PAM: variants seen among roughly 807,000 people sequenced by gnomAD.
The protein encoded by PAM is peptidyl-glycine alpha-amidating monooxygenase.
PAM carries 72 observed loss-of-function variants against 122.1 expected under a neutral mutation model. The ratio of observed to expected loss-of-function variants is 0.59; its 90% confidence interval spans 0.49 to 0.72. PAM has a LOEUF of 0.72. Ranked by LOEUF, PAM falls within the 30% of genes least tolerant of loss-of-function variation. The pLI, the probability that PAM is intolerant of heterozygous loss-of-function variation, is 0.00. For synonymous variants in PAM, 389 were observed against 404.4 expected, an observed-to-expected ratio of 0.96 and a Z score of 0.46; for missense variants, 1,106 against 1,183.7, an observed-to-expected ratio of 0.93 and a Z score of 0.96.
chr5:102,839,430 G>A (rs754084827), intron 1 of PAM, among the ~76,000 whole-genome samples: 4 of 151,638 alleles, frequency 2.6e-5, no homozygotes, highest in East Asian at 1.9e-4. Flanking sequence ...CCAGCTACTC[G>A]GGAGGCTGAG....
At position 103,028,873 on chromosome 5, in the gene PAM, T is replaced by C; in HGVS notation, c.2744-14T>C. The C allele has an allele frequency of 6.3e-7, 1 of 1,587,758 alleles. No individual in the cohort carries two copies. Among genetic ancestry groups the C allele is most frequent in the Non-Finnish European group, 8.6e-7 (1 of 1,167,316 alleles). On this transcript the variant is annotated splice_polypyrimidine_tract_variant and intron_variant, in intron 25 of 25. Transcript: ENST00000438793. Reference sequence around the variant, plus strand: ...AAACTTTACCCAATTCTGTTATTGTTTGCTTTTTTTCAGGAAAGGGAAGTG... The same window carrying C: ...AAACTTTACCCAATTCTGTTATTGTCTGCTTTTTTTCAGGAAAGGGAAGTG...
At chr5:102,827,121 T>C (rs745966323) in intron 1 of PAM, among the ~76,000 whole-genome samples, 1 of 152,236 alleles carries the variant, frequency 6.6e-6, no homozygotes, top group Non-Finnish European at 1.5e-5. Context: ...TTCTTCTCTT[T>C]GCTATCCTCT....
intron 1 of PAM, among the ~76,000 whole-genome samples, chr5:102,805,560 T>A (rs1766000172): frequency 6.6e-6 from 1 of 152,226 alleles, no homozygotes; most frequent in South Asian, 2.1e-4. Flanking sequence ...GTTTTGCCCC[T>A]GCTCCAGGTC....
chr5:102,822,786 G>A lies in PAM; in HGVS notation c.-373-43037G>A, dbSNP rs181670196. The stretch of plus-strand genomic sequence containing the variant: ...CAAATGCAGGAAAGAGCAGTGAGAA[G>A]GGAAATTACCATTGGAGATCCTGGG... On this transcript the variant is annotated intron_variant, in intron 1 of 25. Coordinates refer to ENST00000438793, the MANE Select transcript of PAM (RefSeq NM_001177306.2). Among the ~76,000 whole-genome samples the A allele has an allele frequency of 3.9e-4, 60 of 152,240 alleles. No homozygotes were observed. In the East Asian group the frequency reaches 0.011, roughly 27 times the overall value.
intron 1 of PAM, among the ~76,000 whole-genome samples, chr5:102,826,393 T>C (rs1341165480): frequency 1.3e-5 from 2 of 152,244 alleles, no homozygotes; most frequent in Admixed American, 1.3e-4. Flanking sequence ...TTTCATTGTT[T>C]ATAATTTGCT....
intron 7 of PAM, among the ~76,000 whole-genome samples, chr5:102,944,690 C>A (rs868688031): frequency 6.6e-6 from 1 of 151,984 alleles, no homozygotes. Flanking sequence ...ATGGAAGGAC[C>A]CTGAAACATT....
chr5:102,887,230 G>A (rs1049592677), intron 3 of PAM, among the ~76,000 whole-genome samples: 1 of 151,974 alleles, frequency 6.6e-6, no homozygotes, highest in African/African-American at 2.4e-5. Context: ...CCTCACATGG[G>A]GGTGAGTGAG....
chr5:102,932,258 C>A (rs1751793662), intron 7 of PAM, among the ~76,000 whole-genome samples: 1 of 152,080 alleles, frequency 6.6e-6, no homozygotes, highest in Non-Finnish European at 1.5e-5. Flanking sequence ...GAGGCCGAAG[C>A]AGGCAGATCA....
At chr5:102,854,945 A>G (rs1782240827) in intron 1 of PAM, among the ~76,000 whole-genome samples, 2 of 152,248 alleles carry the variant, frequency 1.3e-5, no homozygotes, top group Admixed American at 1.3e-4. Context: ...AGATATCTGC[A>G]TATAAGCTAC....
intron 1 of PAM, among the ~76,000 whole-genome samples, chr5:102,792,943 C>T (rs1762422637): frequency 6.6e-6 from 1 of 152,040 alleles, no homozygotes; most frequent in African/African-American, 2.4e-5. Flanking sequence ...CTAGTGGAGT[C>T]TAGTGTTGAT....
At chr5:102,975,865 T>G (rs188788380) in intron 15 of PAM, among the ~76,000 whole-genome samples, 19 of 152,338 alleles carry the variant, frequency 1.2e-4, no homozygotes, top group East Asian at 1.2e-3. Flanking sequence ...TTTGTTATTC[T>G]TAGATTTGAA....
rs1796508322 is a variant in PAM at position 102,897,373 on chromosome 5, T to G, written c.211-3983T>G. ...TGCCACCACAAGATGTTTCCACTGG[T>G]TCTGGGTTTTGATTACTCCTATTGC... is the stretch of plus-strand genomic sequence containing the variant. On this transcript the variant is annotated intron_variant, in intron 3 of 25. Transcript: ENST00000438793. 2.0e-5 allele frequency among the ~76,000 whole-genome samples: 3 copies of G among 151,648 alleles called. No homozygotes were observed. In the South Asian group the frequency reaches 6.2e-4, roughly 31 times the overall value.
chr5:102,816,816 G>A (rs1356646256), intron 1 of PAM, among the ~76,000 whole-genome samples: 1 of 151,904 alleles, frequency 6.6e-6, no homozygotes, highest in African/African-American at 2.4e-5. Context: ...AAGTCTCATG[G>A]CTTTAAATTC....
At chr5:102,818,391 T>C (rs1580511165) in intron 1 of PAM, among the ~76,000 whole-genome samples, 2 of 150,992 alleles carry the variant, frequency 1.3e-5, no homozygotes, top group East Asian at 1.9e-4. Flanking sequence ...TCTAGTCTTA[T>C]AAAAATTAAC....
At chr5:102,941,086 AG>A (rs1272286223) in intron 7 of PAM, among the ~76,000 whole-genome samples, 2 of 152,218 alleles carry the variant, frequency 1.3e-5, no homozygotes, top group African/African-American at 4.8e-5. Flanking sequence ...ACTTCACTGT[AG>A]ACTCATATTT....
At chr5:102,872,042 G>A (rs977586375) in intron 3 of PAM, among the ~76,000 whole-genome samples, 32 of 152,054 alleles carry the variant, frequency 2.1e-4, no homozygotes, top group African/African-American at 7.7e-4. Context: ...CAATGAAGAT[G>A]TTTTAGGCTG....
At chr5:102,936,448 G>A (rs556874289) in intron 7 of PAM, among the ~76,000 whole-genome samples, 1 of 152,016 alleles carries the variant, frequency 6.6e-6, no homozygotes, top group Non-Finnish European at 1.5e-5. Context: ...TCCTTAATGT[G>A]CAAGTTCCAA....
intron 19 of PAM, 77 bp from the exon 20 acceptor site, chr5:103,007,380 A>ATT: frequency 8.3e-7 from 1 of 1,202,578 alleles, no homozygotes; most frequent in Admixed American, 1.8e-5. Flanking sequence ...ACTATCATGA[A>ATT]TTTAGAAACA....
chr5:102,830,282 G>A (rs762379606), intron 1 of PAM, among the ~76,000 whole-genome samples: 2 of 152,112 alleles, frequency 1.3e-5, no homozygotes, highest in African/African-American at 4.8e-5. Context: ...ACAGCAGGAC[G>A]ATTGAAGTCA....
Sources: allele counts gnomAD v4.1 joint callset (sites outside exome capture counted in the v4.1 genomes callset), GRCh38; gene constraint gnomAD v4.1.1; transcripts MANE v1.5; gene names NCBI Gene and HGNC (gene_info 2026-07-23, HGNC 2026-07-21).